DYSF: variants seen among roughly 807,000 people sequenced by gnomAD.
DYSF encodes the protein dysferlin, also known as dystrophy-associated fer-1-like 1.
DYSF carries 212 observed loss-of-function variants against 274.9 expected under a neutral mutation model. The ratio of observed to expected loss-of-function variants is 0.77; its 90% CI spans 0.69 to 0.86. The LOEUF is 0.86. Ranked by LOEUF, DYSF falls within the 40% of genes least tolerant of loss-of-function variation. The probability of loss-of-function intolerance (pLI) is 0.00; values close to 1 mark genes in which losing one functional copy is unlikely to be tolerated. For missense variants in DYSF, 2,666 were observed against 2,783.2 expected (o/e 0.96, Z 0.95); for synonymous variants, 1,091 against 1,078.7 (o/e 1.01, Z -0.22).
chr2:71,570,762 T>A, intron 29 of DYSF, 21 bp downstream of exon 29: 1 of 1,613,080 alleles, frequency 6.2e-7, no homozygotes, highest in East Asian at 2.2e-5. Flanking sequence ...AGGTGGTGGG[T>A]GGGAGTGAGG....
rs73941464 is a variant in DYSF, at chr2:71,546,406, A to T, written c.1577-4635A>T. ...CACCAGATGATTTGGTTCAACTAGC[A>T]GTTTTTGTTTTTCTGTTTTTGTTTT... On this transcript the variant is annotated intron_variant, in intron 17 of 55. Transcript: ENST00000410020. Among the ~76,000 whole-genome samples the T allele has an allele frequency of 5.7e-3, 875 of 152,330 alleles. 15 individuals carry two copies. Among genetic ancestry groups the T allele is most frequent in the African/African-American group, 0.02 (832 of 41,580 alleles).
At position 71,668,842 on chromosome 2, in the gene DYSF, G is replaced by A. The variant is rs786205084; in HGVS notation, c.5546G>A (p.Arg1849Lys). 1.2e-6 allele frequency: 2 copies of A among 1,612,102 alleles called. No individual in the cohort carries two copies. The highest frequency in any genetic ancestry group is 1.7e-6 in the Non-Finnish European group (2 of 1,179,470). Residue 1849 changes from arginine to lysine, a missense_variant and splice_region_variant, in exon 49 of 56, where the codon AGG becomes AAG. Coordinates refer to ENST00000410020, the MANE Select transcript of DYSF (RefSeq NM_001130987.2). ...AACATCACCCCACGGAGAGCCAGAA[G>A]GTGACTTGCCCAGCCACAGGCTCTG... The part of the protein sequence containing the change: ...PFNITPRRAR[R>K]FFLRCIIWNT...
chr2:71,561,693 C>A, intron 22 of DYSF, 59 bp from the exon 23 acceptor site: 2 of 1,605,730 alleles, frequency 1.2e-6, no homozygotes, highest in Non-Finnish European at 1.7e-6. Context: ...CATGTGCATG[C>A]CTGGACCTGG....
intron 32 of DYSF, among the ~76,000 whole-genome samples, chr2:71,593,859 C>T (rs1414804103): frequency 6.6e-6 from 1 of 152,200 alleles, no homozygotes; most frequent in East Asian, 1.9e-4. Context: ...CCAGAAATCC[C>T]TCTTTGAGGC....
chr2:71,507,618 C>T (rs1451696782), intron 4 of DYSF, among the ~76,000 whole-genome samples: 2 of 152,080 alleles, frequency 1.3e-5, no homozygotes, highest in Non-Finnish European at 2.9e-5. Flanking sequence ...TGTGCGCGCA[C>T]ACACACACAC....
At chr2:71,598,973 G>T (rs369760076) in intron 33 of DYSF, among the ~76,000 whole-genome samples, 8 of 152,256 alleles carry the variant, frequency 5.3e-5, no homozygotes, top group African/African-American at 1.9e-4. Flanking sequence ...CGGAAAAGGC[G>T]CTTGGTTGTG....
chr2:71,515,785 G>C (rs1441396790), intron 8 of DYSF, 34 bp downstream of exon 8: 14 of 1,613,198 alleles, frequency 8.7e-6, no homozygotes, highest in Non-Finnish European at 1.2e-5. Flanking sequence ...CCAGAACCTT[G>C]GTGGGCCTTC....
intron 31 of DYSF, 143 bp downstream of exon 31, chr2:71,589,829 GTA>G: frequency 1.1e-5 from 9 of 832,868 alleles, no homozygotes; most frequent in African/African-American, 8.3e-5. Context: ...AGTGCTGTGT[GTA>G]TGTGTGTGTG....
intron 40 of DYSF, among the ~76,000 whole-genome samples, chr2:71,618,604 G>GTGTGTGTGTGGTAGAGGTGGAGTGC (rs762202789): frequency 3.8e-5 from 1 of 26,396 alleles, no homozygotes; most frequent in Non-Finnish European, 9.1e-5. Flanking sequence ...TGGTAGAGGT[G>GTGTGTGTGTGGTAGAGGTGGAGTGC]GTGGGTGTGG....
At chr2:71,571,797 A>ACACACAGCT (rs2092482633) in intron 29 of DYSF, among the ~76,000 whole-genome samples, 1 of 145,780 alleles carries the variant, frequency 6.9e-6, no homozygotes, top group South Asian at 2.2e-4. Context: ...CACACCCAGC[A>ACACACAGCT]CACACAGCTC....
chr2:71,571,804 G>C (rs1393124354), intron 29 of DYSF, among the ~76,000 whole-genome samples: 4 of 108,452 alleles, frequency 3.7e-5, no homozygotes, highest in South Asian at 3.2e-4. Flanking sequence ...AGCACACACA[G>C]CTCACACCCA....
At chr2:71,457,597 C>T (rs1190988778) in intron 1 of DYSF, among the ~76,000 whole-genome samples, 3 of 152,202 alleles carry the variant, frequency 2.0e-5, no homozygotes, top group Non-Finnish European at 4.4e-5. Context: ...GCTGCTTGCT[C>T]ACCCAAGCAC....
intron 42 of DYSF, among the ~76,000 whole-genome samples, chr2:71,653,943 A>C (rs1278520709): frequency 6.6e-6 from 1 of 152,152 alleles, no homozygotes; most frequent in South Asian, 2.1e-4. Flanking sequence ...TACCATAAAT[A>C]AAAATATCAT....
In DYSF at chr2:71,561,954, C is replaced by T. The variant is rs2152804044; in HGVS notation, c.2409+10C>T. On this transcript the variant is annotated intron_variant, in intron 23 of 55. Transcript: ENST00000410020. ...TGCCCTGGCAGAGGAGGTAATTAAG[C>T]CTGGGGGTGCCTTTCTTCTTCTGCT... 6.2e-7 allele frequency: 1 copy of T among 1,612,002 alleles called. No individual in the cohort carries two copies. Among genetic ancestry groups the T allele is most frequent in the Non-Finnish European group, 8.5e-7 (1 of 1,179,362 alleles).
Position 71,536,423 on chromosome 2 carries a change from C to T in DYSF, c.1493+1112C>T, listed in dbSNP as rs72900840. On this transcript the variant is annotated intron_variant, in intron 16 of 55. Transcript: ENST00000410020. ...TGTGAGGGAGAGGCCGCAAGGGCAG[C>T]GACCACGGGTATGTACTGTGGGGAA... Among the ~76,000 whole-genome samples the T allele has an allele frequency of 7.3e-3, 1,115 of 152,342 alleles. 11 individuals carry two copies. Among genetic ancestry groups the T allele is most frequent in the African/African-American group, 0.025 (1,041 of 41,562 alleles).
At chr2:71,574,877 G>A (rs977860424) in intron 30 of DYSF, among the ~76,000 whole-genome samples, 4 of 152,192 alleles carry the variant, frequency 2.6e-5, no homozygotes, top group Non-Finnish European at 5.9e-5. Context: ...TCTGTAGCCA[G>A]TGGAACTGGG....
chr2:71,527,904 T>C (rs151006651), intron 13 of DYSF, among the ~76,000 whole-genome samples: 1 of 152,168 alleles, frequency 6.6e-6, no homozygotes, highest in Non-Finnish European at 1.5e-5. Context: ...GGTAAATCGC[T>C]GCGCTAATAG....
intron 48 of DYSF, among the ~76,000 whole-genome samples, chr2:71,668,059 G>A (rs910461545): frequency 1.3e-5 from 2 of 151,980 alleles, no homozygotes; most frequent in Non-Finnish European, 2.9e-5. Context: ...TCCTGGAAGA[G>A]GTGAGCTCAG....
chr2:71,609,333 AATG>A (rs1199219491), intron 36 of DYSF, among the ~76,000 whole-genome samples: 2 of 152,160 alleles, frequency 1.3e-5, no homozygotes, highest in African/African-American at 4.8e-5. Context: ...TCTGGAGGAA[AATG>A]ATAAGTTTTT....
Sources: allele counts gnomAD v4.1 joint callset (sites outside exome capture counted in the v4.1 genomes callset), GRCh38; gene constraint gnomAD v4.1.1; transcripts MANE v1.5; gene names NCBI Gene and HGNC (gene_info 2026-07-23, HGNC 2026-07-21).